Variants in PCDH15 observed in about 807,000 individuals in gnomAD.
PCDH15 encodes the protein protocadherin related 15.
In PCDH15, 129 loss-of-function variants were observed where a neutral mutation model predicts 178.5. The ratio of observed to expected loss-of-function variants is 0.72; its 90% CI spans 0.63 to 0.84. The LOEUF (loss-of-function observed/expected upper bound fraction) is 0.84, where lower values mean the gene tolerates loss of function less well. Ranked by LOEUF, PCDH15 falls within the 40% of genes least tolerant of loss-of-function variation. The probability of loss-of-function intolerance (pLI) is 0.00; values close to 1 mark genes in which losing one functional copy is unlikely to be tolerated. For synonymous variants in PCDH15, 800 were observed against 732.0 expected (o/e 1.09, Z -1.50); for missense variants, 2,230 against 2,099.9 (o/e 1.06, Z -1.21).
rs1422620294 is a variant in PCDH15, at chr10:54,022,892, C to A, written c.2526G>T (p.Glu842Asp). The change falls in exon 19 of 38, where the codon GAG (glutamate) becomes GAT (aspartate). Residue 842 changes from glutamate to aspartate, a missense_variant and splice_region_variant. Glu to Asp is a conservative substitution (Grantham distance 45). Transcript: ENST00000644397. ...LPAGTTILQI[E>D]AKDVDLGANV... ...GTAATAAATGCTTTTTCCCACACAC[C>A]TCTATTTGAAGGATGGTAGTCCCAG... is the stretch of plus-strand genomic sequence containing the variant. 1 of 1,613,702 alleles carries A rather than the reference C, an allele frequency of 6.2e-7. No individual in the cohort carries two copies. Among genetic ancestry groups the A allele is most frequent in the Non-Finnish European group, 8.5e-7 (1 of 1,179,714 alleles).
chr10:54,530,729 C>G (rs762800177), intron 2 of PCDH15, among the ~76,000 whole-genome samples: 2 of 152,230 alleles, frequency 1.3e-5, no homozygotes, highest in Non-Finnish European at 2.9e-5. Flanking sequence ...TTAGTAGATT[C>G]AAAATTCTCC....
intron 2 of PCDH15, among the ~76,000 whole-genome samples, chr10:55,113,545 AT>A (rs1156798531): frequency 2.0e-5 from 3 of 152,134 alleles, no homozygotes; most frequent in Non-Finnish European, 4.4e-5. Context: ...GCATTTTACA[AT>A]TTTTTTCTTT....
In PCDH15 at chr10:54,090,030, CAT is replaced by C; in HGVS notation, c.1949_1950del (p.Tyr650CysfsTer3). On this transcript the variant is annotated frameshift_variant, in exon 16 of 38. Transcript: ENST00000644397. LOFTEE classifies it high-confidence loss of function. ...ATDREGDSIT[Y>X]AIENGDPQRV... ...CTCTGAGGATCTCCATTCTCAATGG[CAT>C]ATGTTATTGAGTCTCCCTCTCGATC... 2 of 1,612,456 alleles carry C rather than the reference CAT, an allele frequency of 1.2e-6. No individual in the cohort carries two copies. The highest frequency in any genetic ancestry group is 8.5e-7 in the Non-Finnish European group (1 of 1,178,884).
chr10:54,114,384 G>A (rs2095077958), intron 15 of PCDH15, among the ~76,000 whole-genome samples: 2 of 152,160 alleles, frequency 1.3e-5, no homozygotes, highest in South Asian at 4.1e-4. Flanking sequence ...TAAGAAGACA[G>A]TAGAAAGCAA....
chr10:55,005,228 T>TAATAATAATAATAATAATAA (rs1564708136), intron 2 of PCDH15, among the ~76,000 whole-genome samples: 4 of 147,900 alleles, frequency 2.7e-5, no homozygotes, highest in Admixed American at 6.8e-5. Flanking sequence ...ATAATAATAA[T>TAATAATAATAATAATAATAA]CAATGGAGCC....
rs138853892 is a variant in PCDH15, at chr10:55,295,860, T to G, written c.-156+23739A>C. Among the ~76,000 whole-genome samples the G allele has an allele frequency of 3.9e-3, 594 of 152,118 alleles. 7 individuals carry two copies. Among genetic ancestry groups the G allele is most frequent in the African/African-American group, 0.013 (550 of 41,494 alleles). On this transcript the variant is annotated intron_variant, in intron 1 of 5. Coordinates refer to the PCDH15 transcript ENST00000458638. ...GAGTTTTAGCACGGACATCACAAGT[T>G]AAGGGCTCAGCCTCACAACATTTCC... is the stretch of plus-strand genomic sequence containing the variant.
intron 2 of PCDH15, among the ~76,000 whole-genome samples, chr10:55,331,249 T>C (rs1163914720): frequency 8.6e-5 from 13 of 151,988 alleles, no homozygotes; most frequent in Non-Finnish European, 1.0e-4. Flanking sequence ...ACTAATATTT[T>C]TGGGTATTTC....
At chr10:54,099,243 G>C (rs7074578) in intron 15 of PCDH15, among the ~76,000 whole-genome samples, 8,628 of 152,146 alleles carry the variant, frequency 0.057, 374 homozygotes, top group African/African-American at 0.11. Flanking sequence ...GCTCACGCCT[G>C]TAATGCCAGC....
intron 13 of PCDH15, among the ~76,000 whole-genome samples, chr10:54,161,987 A>C (rs72797076): frequency 0.03 from 4,496 of 152,168 alleles, 85 homozygotes; most frequent in Middle Eastern, 0.082. Flanking sequence ...CCTAGATGAA[A>C]CCCTTGATGT....
At chr10:54,609,526 C>T (rs1036525174) in intron 2 of PCDH15, among the ~76,000 whole-genome samples, 1 of 151,982 alleles carries the variant, frequency 6.6e-6, no homozygotes, top group Admixed American at 6.6e-5. Flanking sequence ...AGCTTGCAAT[C>T]TATGGTGCTT....
intron 3 of PCDH15, among the ~76,000 whole-genome samples, chr10:54,384,697 G>A (rs182231233): frequency 1.3e-5 from 2 of 152,154 alleles, no homozygotes; most frequent in East Asian, 3.9e-4. Flanking sequence ...TGAGTTAATA[G>A]AACTTTAATC....
At chr10:53,889,256 G>C (rs1159818858) in intron 26 of PCDH15, among the ~76,000 whole-genome samples, 1 of 151,690 alleles carries the variant, frequency 6.6e-6, no homozygotes, top group East Asian at 1.9e-4. Flanking sequence ...TAAAAAATAG[G>C]GTGAAAATGC....
chr10:55,528,936 G>A (rs1388356208), intron 2 of PCDH15, among the ~76,000 whole-genome samples: 1 of 152,042 alleles, frequency 6.6e-6, no homozygotes, highest in Non-Finnish European at 1.5e-5. Context: ...GTGTGAGATG[G>A]TATCTCATTG....
chr10:55,020,858 C>A (rs2131954284), intron 2 of PCDH15, among the ~76,000 whole-genome samples: 1 of 152,238 alleles, frequency 6.6e-6, no homozygotes, highest in Middle Eastern at 3.4e-3. Flanking sequence ...AACTCAAAGT[C>A]ATCTCTCTGC....
chr10:54,046,485 A>T (rs2135565248), intron 18 of PCDH15, among the ~76,000 whole-genome samples: 1 of 152,292 alleles, frequency 6.6e-6, no homozygotes, highest in South Asian at 2.1e-4. Context: ...CTGAATAGTA[A>T]AAAGTTAAAT....
At chr10:54,440,323 G>A (rs1284974922) in intron 3 of PCDH15, among the ~76,000 whole-genome samples, 1 of 151,922 alleles carries the variant, frequency 6.6e-6, no homozygotes, top group Non-Finnish European at 1.5e-5. Flanking sequence ...TTTCAAAACT[G>A]GGTCAAGTTT....
intron 3 of PCDH15, among the ~76,000 whole-genome samples, chr10:54,476,027 CATAT>C (rs373818298): frequency 7.4e-6 from 1 of 134,456 alleles, no homozygotes; most frequent in African/African-American, 2.6e-5. Context: ...ATAGTGATTA[CATAT>C]ATATATATAT....
At chr10:53,829,205 A>G (rs2076879784) in intron 30 of PCDH15, among the ~76,000 whole-genome samples, 1 of 152,230 alleles carries the variant, frequency 6.6e-6, no homozygotes, top group African/African-American at 2.4e-5. Context: ...CTATGTGAGC[A>G]GAGAAAAACT....
At chr10:55,596,256 T>A (rs1276954968) in intron 2 of PCDH15, among the ~76,000 whole-genome samples, 2 of 152,128 alleles carry the variant, frequency 1.3e-5, no homozygotes, top group Admixed American at 1.3e-4. Flanking sequence ...GAGATCCTAA[T>A]CCTACCAAAA....
Sources: allele counts gnomAD v4.1 joint callset (sites outside exome capture counted in the v4.1 genomes callset), GRCh38; gene constraint gnomAD v4.1.1; transcripts MANE v1.5; gene names NCBI Gene and HGNC (gene_info 2026-07-23, HGNC 2026-07-21).